The following STXBP5L variants were observed in gnomAD, a reference collection of about 807,000 sequenced individuals.
The protein encoded by STXBP5L is syntaxin binding protein 5L, also known as syntaxin-binding protein 5-like.
A neutral mutation model predicts 144.5 loss-of-function variants in STXBP5L; 65 were observed. The observed-to-expected ratio is 0.45, with a 90% CI of 0.37 to 0.55. The LOEUF (loss-of-function observed/expected upper bound fraction) is 0.55. STXBP5L is among the 20% of genes least tolerant of loss of function. The pLI, the probability that STXBP5L is intolerant of heterozygous loss-of-function variation, is 0.00. For missense variants in STXBP5L, 1,298 were observed against 1,405.5 expected (o/e 0.92, Z 1.22); for synonymous variants, 505 against 469.6 (o/e 1.08, Z -0.97).
chr3:121,170,196 G>A (rs2046654772), intron 9 of STXBP5L, among the ~76,000 whole-genome samples: 1 of 152,184 alleles, frequency 6.6e-6, no homozygotes, highest in Non-Finnish European at 1.5e-5. Flanking sequence ...AGCTAAAGTA[G>A]TGTTTAGAGG....
intron 5 of STXBP5L, among the ~76,000 whole-genome samples, chr3:121,093,804 C>T (rs1368777817): frequency 6.6e-6 from 1 of 152,024 alleles, no homozygotes; most frequent in Non-Finnish European, 1.5e-5. Flanking sequence ...TATTTCTTGC[C>T]TTCTGCTAGC....
At position 121,188,982 on chromosome 3, in the gene STXBP5L, T is replaced by G. The variant is rs912455579; in HGVS notation, c.878-16941T>G. Among the ~76,000 whole-genome samples the G allele has an allele frequency of 1.4e-4, 22 of 152,262 alleles. No individual in the cohort carries two copies. The South Asian group carries it at 4.1e-3, about 29-fold the overall frequency. On this transcript the variant is annotated intron_variant, in intron 9 of 26. Transcript: ENST00000471454. ...AGGGCAATCAGGCAAGAGAAAGAAA[T>G]AAAGGGTATTCAATTAGGAAAAGAG...
intron 3 of STXBP5L, among the ~76,000 whole-genome samples, chr3:120,997,299 A>G (rs988844864): frequency 2.0e-5 from 3 of 152,184 alleles, no homozygotes; most frequent in African/African-American, 4.8e-5. Context: ...TGTCTTGGGT[A>G]TATACCCACT....
chr3:121,277,332 A>C (rs1038444772), intron 18 of STXBP5L, among the ~76,000 whole-genome samples: 1 of 152,058 alleles, frequency 6.6e-6, no homozygotes, highest in Non-Finnish European at 1.5e-5. Flanking sequence ...CCACCTCTTA[A>C]TACAATCATC....
At chr3:121,356,910 G>C (rs1314767321) in intron 20 of STXBP5L, 1 of 154,850 alleles carries the variant, frequency 6.5e-6, no homozygotes, top group African/African-American at 2.4e-5. Context: ...TCAAGGGACT[G>C]GTCAGTCTTC....
At chr3:120,948,451 G>T (rs1040485986) in intron 2 of STXBP5L, among the ~76,000 whole-genome samples, 8 of 151,550 alleles carry the variant, frequency 5.3e-5, no homozygotes, top group Non-Finnish European at 1.2e-4. Context: ...GGTGGTTTTT[G>T]GTTACATAGA....
chr3:121,212,458 T>G (rs1334406396), intron 10 of STXBP5L, among the ~76,000 whole-genome samples: 1 of 152,172 alleles, frequency 6.6e-6, no homozygotes, highest in South Asian at 2.1e-4. Context: ...CACCACCATT[T>G]ATTAAATGGG....
chr3:121,021,484 G>A (rs112565517), intron 3 of STXBP5L, among the ~76,000 whole-genome samples: 2,220 of 152,202 alleles, frequency 0.015, 54 homozygotes, highest in African/African-American at 0.05. Flanking sequence ...ATTAGCATAT[G>A]GAACATTCTC....
intron 5 of STXBP5L, among the ~76,000 whole-genome samples, chr3:121,076,557 A>G (rs2042026821): frequency 1.3e-5 from 2 of 152,062 alleles, no homozygotes; most frequent in East Asian, 1.9e-4. Context: ...ACACTTAGCC[A>G]GGAGTCGATA....
intron 14 of STXBP5L, among the ~76,000 whole-genome samples, chr3:121,249,270 A>G (rs1171096354): frequency 6.6e-6 from 1 of 152,162 alleles, no homozygotes; most frequent in African/African-American, 2.4e-5. Flanking sequence ...TTGTTTTACC[A>G]TATTTTAATT....
chr3:121,164,071 A>C (rs762052301), intron 9 of STXBP5L, among the ~76,000 whole-genome samples: 3 of 151,908 alleles, frequency 2.0e-5, no homozygotes, highest in Non-Finnish European at 4.4e-5. Context: ...CATTTTCATC[A>C]CTCCCCCCAA....
intron 14 of STXBP5L, among the ~76,000 whole-genome samples, chr3:121,246,153 C>T (rs2049844717): frequency 6.6e-6 from 1 of 152,172 alleles, no homozygotes; most frequent in African/African-American, 2.4e-5. Context: ...AGCTCTGCCT[C>T]CTGTTAGATC....
intron 19 of STXBP5L, among the ~76,000 whole-genome samples, chr3:121,291,820 A>G (rs2051450321): frequency 6.6e-6 from 1 of 152,206 alleles, no homozygotes; most frequent in Non-Finnish European, 1.5e-5. Context: ...CACCCTATTC[A>G]ATAAATGATC....
intron 2 of STXBP5L, among the ~76,000 whole-genome samples, chr3:120,934,585 GA>G (rs1340665709): frequency 6.6e-6 from 1 of 152,018 alleles, no homozygotes; most frequent in Non-Finnish European, 1.5e-5. Flanking sequence ...ATTATTGAGA[GA>G]GGGGTGAAGT....
intron 22 of STXBP5L, among the ~76,000 whole-genome samples, chr3:121,394,255 T>C (rs1471681729): frequency 6.6e-6 from 1 of 152,188 alleles, no homozygotes; most frequent in Non-Finnish European, 1.5e-5. Context: ...TACTGATTTT[T>C]ATACATTGAT....
At chr3:121,372,787 T>G (rs2046071949) in intron 20 of STXBP5L, among the ~76,000 whole-genome samples, 1 of 152,140 alleles carries the variant, frequency 6.6e-6, no homozygotes, top group African/African-American at 2.4e-5. Context: ...TCAGCCATCT[T>G]AGAGCAGGAA....
chr3:121,337,130 G>T (rs1213603745), intron 20 of STXBP5L, among the ~76,000 whole-genome samples: 1 of 152,028 alleles, frequency 6.6e-6, no homozygotes, highest in East Asian at 1.9e-4. Flanking sequence ...AGGATCAGAA[G>T]AAATAACTAT....
intron 7 of STXBP5L, among the ~76,000 whole-genome samples, chr3:121,122,938 T>A (rs991213540): frequency 3.3e-5 from 5 of 151,524 alleles, no homozygotes; most frequent in Admixed American, 3.3e-4. Context: ...TTGTACTAAA[T>A]CCTCATCTTG....
intron 10 of STXBP5L, among the ~76,000 whole-genome samples, chr3:121,210,095 G>C (rs1008678099): frequency 2.8e-4 from 42 of 152,068 alleles, no homozygotes; most frequent in African/African-American, 9.7e-4. Context: ...TCCAGCACCT[G>C]TTGTTTCCTG....
Sources: allele counts gnomAD v4.1 joint callset (sites outside exome capture counted in the v4.1 genomes callset), GRCh38; gene constraint gnomAD v4.1.1; transcripts MANE v1.5; gene names NCBI Gene and HGNC (gene_info 2026-07-23, HGNC 2026-07-21).